SOX6: variants seen among roughly 807,000 people sequenced by gnomAD.
The protein encoded by SOX6 is SRY-box transcription factor 6.
SOX6 carries 11 observed loss-of-function variants against 97.8 expected under a neutral mutation model. That is an observed-to-expected ratio of 0.11 (90% CI 0.07 to 0.19). The LOEUF (loss-of-function observed/expected upper bound fraction) is 0.19. Ranked by LOEUF, SOX6 falls within the 10% of genes least tolerant of loss-of-function variation. The pLI is 1.00. For synonymous variants in SOX6, 360 were observed against 371.4 expected, an observed-to-expected ratio of 0.97 and a Z score of 0.35; for missense variants, 810 against 1,039.5, an observed-to-expected ratio of 0.78 and a Z score of 3.04.
At chr11:16,445,293 T>C (rs1175262803) in intron 1 of SOX6, among the ~76,000 whole-genome samples, 1 of 152,184 alleles carries the variant, frequency 6.6e-6, no homozygotes, top group Non-Finnish European at 1.5e-5. Flanking sequence ...TTGCAAATTA[T>C]TTCCCAACAA....
At chr11:16,248,793 C>T (rs1220375853) in intron 3 of SOX6, among the ~76,000 whole-genome samples, 3 of 152,136 alleles carry the variant, frequency 2.0e-5, no homozygotes, top group Non-Finnish European at 2.9e-5. Flanking sequence ...TCCCCATTGT[C>T]TTAGTGACTA....
At chr11:16,235,801 G>A (rs980418427) in intron 3 of SOX6, among the ~76,000 whole-genome samples, 1 of 152,016 alleles carries the variant, frequency 6.6e-6, no homozygotes, top group African/African-American at 2.4e-5. Flanking sequence ...GATCTAAAGG[G>A]CTTTAGAAGC....
chr11:16,444,949 T>G (rs1293416284), intron 1 of SOX6, among the ~76,000 whole-genome samples: 1 of 152,206 alleles, frequency 6.6e-6, no homozygotes, highest in Non-Finnish European at 1.5e-5. Context: ...GATGTAAAAC[T>G]CAAAGTCATG....
At chr11:16,120,263 C>T (rs1473952090) in intron 6 of SOX6, among the ~76,000 whole-genome samples, 2 of 149,988 alleles carry the variant, frequency 1.3e-5, no homozygotes, top group African/African-American at 4.9e-5. Flanking sequence ...CTCTCTCTGT[C>T]TCTCATAACT....
At chr11:16,204,577 A>AAAGAAAGAAAG (rs1554943796) in intron 4 of SOX6, among the ~76,000 whole-genome samples, 2 of 115,852 alleles carry the variant, frequency 1.7e-5, no homozygotes, top group Admixed American at 8.0e-5. Flanking sequence ...AAAGAAAGAA[A>AAAGAAAGAAAG]AAAAACAACT....
intron 4 of SOX6, among the ~76,000 whole-genome samples, chr11:16,609,372 T>C (rs72861211): frequency 0.11 from 15,985 of 152,236 alleles, 908 homozygotes; most frequent in Non-Finnish European, 0.14. Flanking sequence ...CAGAGATTTG[T>C]GAAGGAGAGA....
chr11:16,110,021 A>G (rs998636265), intron 7 of SOX6, among the ~76,000 whole-genome samples: 3 of 152,204 alleles, frequency 2.0e-5, no homozygotes, highest in African/African-American at 7.2e-5. Context: ...TCAGTTACAT[A>G]TTATAATCTC....
chr11:16,410,223 TAA>T (rs1157818931), intron 1 of SOX6, among the ~76,000 whole-genome samples: 1 of 152,162 alleles, frequency 6.6e-6, no homozygotes, highest in African/African-American at 2.4e-5. Context: ...AAAGAAATTT[TAA>T]AAGTTTCTAA....
chr11:16,214,710 G>T (rs556260578), intron 4 of SOX6, among the ~76,000 whole-genome samples: 1 of 150,004 alleles, frequency 6.7e-6, no homozygotes, highest in African/African-American at 2.4e-5. Flanking sequence ...TCATGGGTCT[G>T]ATTTCTCTTG....
intron 12 of SOX6, among the ~76,000 whole-genome samples, chr11:16,019,881 C>T (rs902683524): frequency 6.6e-6 from 1 of 152,064 alleles, no homozygotes; most frequent in Non-Finnish European, 1.5e-5. Flanking sequence ...AATAAAAGTT[C>T]TCTAAGGCCA....
intron 6 of SOX6, among the ~76,000 whole-genome samples, chr11:16,118,702 T>A (rs553881737): frequency 2.0e-5 from 3 of 152,340 alleles, no homozygotes; most frequent in African/African-American, 7.2e-5. Flanking sequence ...TATGTGCTAA[T>A]ATGCAAACAG....
intron 4 of SOX6, among the ~76,000 whole-genome samples, chr11:16,611,303 G>A (rs1590007783): frequency 6.6e-6 from 1 of 152,198 alleles, no homozygotes; most frequent in African/African-American, 2.4e-5. Context: ...TTCCCGCTTT[G>A]AAAGACTCCT....
chr11:16,093,719 C>A (rs926069304), intron 9 of SOX6, among the ~76,000 whole-genome samples: 1 of 151,836 alleles, frequency 6.6e-6, no homozygotes, highest in African/African-American at 2.4e-5. Context: ...GATCATGTTT[C>A]TTGACATAAC....
intron 1 of SOX6, among the ~76,000 whole-genome samples, chr11:16,416,502 G>A (rs1858928862): frequency 6.6e-6 from 1 of 152,100 alleles, no homozygotes; most frequent in South Asian, 2.1e-4. Context: ...ACAAATAATG[G>A]CTAATTTGTA....
chr11:16,154,485 T>C (rs1487415749), intron 6 of SOX6, among the ~76,000 whole-genome samples: 5 of 152,112 alleles, frequency 3.3e-5, no homozygotes, highest in Admixed American at 6.6e-5. Context: ...AAATCAGCTA[T>C]TGATGCTTCT....
intron 6 of SOX6, among the ~76,000 whole-genome samples, chr11:16,122,212 T>C (rs745514636): frequency 2.0e-5 from 3 of 151,926 alleles, no homozygotes; most frequent in Non-Finnish European, 4.4e-5. Context: ...AAGTGAAGAG[T>C]TGACTATTAT....
At chr11:16,578,727 G>A (rs1465806922) in intron 4 of SOX6, among the ~76,000 whole-genome samples, 4 of 152,098 alleles carry the variant, frequency 2.6e-5, no homozygotes, top group Admixed American at 1.3e-4. Flanking sequence ...AAAGAGGAGT[G>A]CAGAGAAATA....
chr11:16,600,113 C>T (rs1590001626), intron 4 of SOX6, among the ~76,000 whole-genome samples: 1 of 152,218 alleles, frequency 6.6e-6, no homozygotes, highest in African/African-American at 2.4e-5. Context: ...AGGCAACCGC[C>T]TGCATGATGC....
chr11:16,462,975 T>C (rs899520008), intron 1 of SOX6, among the ~76,000 whole-genome samples: 2 of 152,178 alleles, frequency 1.3e-5, no homozygotes, highest in Non-Finnish European at 2.9e-5. Context: ...AATATTCCAA[T>C]AGGATGAGAA....
Sources: gnomAD v4.1 joint callset for allele counts (sites outside exome capture counted in the v4.1 genomes callset) on GRCh38, gnomAD v4.1.1 for gene constraint, MANE v1.5 for transcripts, NCBI Gene and HGNC (gene_info 2026-07-23, HGNC 2026-07-21) for gene names.